Variants in CORO2B observed in about 807,000 individuals in gnomAD.
CORO2B encodes the protein coronin-2B.
A neutral mutation model predicts 58.8 loss-of-function variants in CORO2B; 26 were observed. The observed-to-expected ratio is 0.44, with a 90% confidence interval of 0.32 to 0.61. The LOEUF is 0.61. CORO2B is among the 20% of genes least tolerant of loss of function. The pLI, the probability that CORO2B is intolerant of heterozygous loss-of-function variation, is 0.04. For synonymous variants in CORO2B, 242 were observed against 253.8 expected (o/e 0.95, Z 0.44); for missense variants, 460 against 645.1 (o/e 0.71, Z 3.11).
chr15:68,668,801 G>A (rs1014513503), intron 2 of CORO2B, among the ~76,000 whole-genome samples: 8 of 152,308 alleles, frequency 5.3e-5, no homozygotes, highest in Middle Eastern at 3.4e-3. Context: ...AAGACAGGCC[G>A]AGCATGGTGG....
In CORO2B at chr15:68,664,191, A is replaced by AT. The variant is rs200639421; in HGVS notation, c.216+18841dup. Reference sequence around the variant, plus strand: ...GAGCCTTACAGCTAAGATCTCTGTAATTTTTTTTTTGGATACAAGTATATC... The same window carrying AT: ...GAGCCTTACAGCTAAGATCTCTGTAATTTTTTTTTTTGGATACAAGTATATC... On this transcript the variant is annotated intron_variant, in intron 2 of 11. Coordinates refer to ENST00000261861, the MANE Select transcript of CORO2B (RefSeq NM_006091.5). Among the ~76,000 whole-genome samples, 149 of 150,456 alleles carry AT rather than the reference A, an allele frequency of 9.9e-4. 2 individuals are homozygous for AT. The East Asian group carries it at 0.018, about 18-fold the overall frequency.
intron 1 of CORO2B, among the ~76,000 whole-genome samples, chr15:68,611,980 A>C (rs961274152): frequency 1.3e-5 from 2 of 152,144 alleles, no homozygotes; most frequent in Non-Finnish European, 2.9e-5. Context: ...TATGTTGCCC[A>C]GACTGGTCTC....
the CORO2B span, among the ~76,000 whole-genome samples, chr15:68,570,795 C>T: frequency 2.6e-4 from 31 of 117,954 alleles, no homozygotes; most frequent in Non-Finnish European, 4.9e-4. Flanking sequence ...GCCCACTACA[C>T]GTAGTTTTTT....
At chr15:68,567,996 G>A in the CORO2B span, among the ~76,000 whole-genome samples, 1 of 152,194 alleles carries the variant, frequency 6.6e-6, no homozygotes, top group Admixed American at 6.5e-5. Flanking sequence ...TCCAGCCTGG[G>A]CAACAGAGTG....
At chr15:68,641,320 G>A (rs1031644918) in intron 1 of CORO2B, among the ~76,000 whole-genome samples, 1 of 152,200 alleles carries the variant, frequency 6.6e-6, no homozygotes, top group African/African-American at 2.4e-5. Flanking sequence ...GGGCTGTGGG[G>A]GCAACAGGAG....
At chr15:68,718,107 C>CAT (rs1190092397) in intron 8 of CORO2B, among the ~76,000 whole-genome samples, 4 of 152,320 alleles carry the variant, frequency 2.6e-5, no homozygotes, top group Non-Finnish European at 5.9e-5. Flanking sequence ...CCATGATAGA[C>CAT]GTTCAGCAGA....
intron 2 of CORO2B, among the ~76,000 whole-genome samples, chr15:68,689,468 G>A (rs1232136665): frequency 2.0e-5 from 3 of 152,070 alleles, no homozygotes; most frequent in Non-Finnish European, 4.4e-5. Flanking sequence ...CTTGTTATGA[G>A]GATTAAATTT....
intron 2 of CORO2B, among the ~76,000 whole-genome samples, chr15:68,684,435 C>T (rs1462059451): frequency 6.6e-6 from 1 of 152,226 alleles, no homozygotes; most frequent in Non-Finnish European, 1.5e-5. Context: ...AGAAAGAACA[C>T]AGCCAGAGGC....
intron 2 of CORO2B, among the ~76,000 whole-genome samples, chr15:68,683,150 C>A (rs1185894333): frequency 2.0e-5 from 3 of 152,198 alleles, no homozygotes; most frequent in African/African-American, 7.2e-5. Flanking sequence ...CGGAGCTCCA[C>A]CCGCCCAGGG....
chr15:68,695,186 G>T lies in CORO2B; in HGVS notation c.263G>T (p.Gly88Val), dbSNP rs747203345. Residue 88 changes from glycine (G) to valine (V), a missense_variant, in exon 3 of 12, where the codon GGC becomes GTC. Gly to Val is a moderately radical substitution (Grantham distance 109). Coordinates refer to ENST00000261861, the MANE Select transcript of CORO2B (RefSeq NM_006091.5). ...TACCCCAAGGTCTGCGGCCACCAGG[G>T]CAATGTGCTGGATATCAAATGGAAC... The part of the protein sequence containing the change: ...PNYPKVCGHQ[G>V]NVLDIKWNPF... The T allele has an allele frequency of 6.2e-7, 1 of 1,614,140 alleles. No individual in the cohort carries two copies. Among genetic ancestry groups the T allele is most frequent in the Non-Finnish European group, 8.5e-7 (1 of 1,180,026 alleles).
At chr15:68,547,563 C>T in the CORO2B span, among the ~76,000 whole-genome samples, 1 of 152,122 alleles carries the variant, frequency 6.6e-6, no homozygotes, top group African/African-American at 2.4e-5. Flanking sequence ...AGGATGGTCT[C>T]AATCTCCTGA....
At position 68,634,309 on chromosome 15, in the gene CORO2B, C is replaced by T. The variant is rs112358621; in HGVS notation, c.16-10851C>T. Among the ~76,000 whole-genome samples the T allele has an allele frequency of 3.9e-3, 599 of 152,312 alleles. 6 individuals carry two copies. The highest frequency in any genetic ancestry group is 0.012 in the African/African-American group (504 of 41,570). On this transcript the variant is annotated intron_variant, in intron 1 of 11. Coordinates refer to ENST00000261861, the MANE Select transcript of CORO2B (RefSeq NM_006091.5). ...CTCGAGGGATGCATTAGGCCCAGCT[C>T]TTTTACTCACTCGCTGGCCGGCAGG...
rs935732829 is a variant in CORO2B, at chr15:68,727,707, CT to C, written c.*1743del. 5.3e-5 allele frequency: 8 copies of C among 150,150 alleles called. No homozygotes were observed. The highest frequency in any genetic ancestry group is 4.5e-5 in the Non-Finnish European group (3 of 67,226). The allele number at this position is 150,150 out of a possible 1,614,324, so 9.3% of individuals were successfully genotyped here. On this transcript the variant is annotated 3_prime_UTR_variant, in exon 12 of 12. Transcript: ENST00000261861. ...ATCTCCTCCTCCCACATTTCTGGAG[CT>C]TTTTTTTTTCCTTCCCCATTGACCT...
intron 3 of CORO2B, among the ~76,000 whole-genome samples, chr15:68,700,256 A>G (rs1460240523): frequency 1.3e-5 from 2 of 152,194 alleles, no homozygotes; most frequent in Non-Finnish European, 2.9e-5. Flanking sequence ...TGCTACATAC[A>G]GGGCTGGGGA....
At chr15:68,625,017 G>A (rs1424482871) in intron 1 of CORO2B, among the ~76,000 whole-genome samples, 1 of 152,146 alleles carries the variant, frequency 6.6e-6, no homozygotes, top group Non-Finnish European at 1.5e-5. Flanking sequence ...AGTGGTCGAA[G>A]ACCACTCCTG....
At chr15:68,612,095 T>A (rs1900261921) in intron 1 of CORO2B, among the ~76,000 whole-genome samples, 1 of 152,196 alleles carries the variant, frequency 6.6e-6, no homozygotes, top group Non-Finnish European at 1.5e-5. Context: ...TCAAGAAGCA[T>A]CCCTGAACGA....
chr15:68,541,238 T>C, the CORO2B span, among the ~76,000 whole-genome samples: 1 of 151,320 alleles, frequency 6.6e-6, no homozygotes, highest in Admixed American at 6.6e-5. Flanking sequence ...CTGTCTCAAA[T>C]AAAAAAAGGA....
At chr15:68,564,063 G>GAAACTGT in the CORO2B span, among the ~76,000 whole-genome samples, 1 of 152,154 alleles carries the variant, frequency 6.6e-6, no homozygotes, top group Non-Finnish European at 1.5e-5. Context: ...ACAAGAAAAG[G>GAAACTGT]AAACTGTATG....
intron 1 of CORO2B, among the ~76,000 whole-genome samples, chr15:68,583,011 C>T (rs957506755): frequency 1.3e-5 from 2 of 152,176 alleles, no homozygotes; most frequent in Admixed American, 6.5e-5. Flanking sequence ...ACCTTTCATG[C>T]CAACATGCTC....
Sources: allele counts gnomAD v4.1 joint callset (sites outside exome capture counted in the v4.1 genomes callset), GRCh38; gene constraint gnomAD v4.1.1; transcripts MANE v1.5; gene names NCBI Gene and HGNC (gene_info 2026-07-23, HGNC 2026-07-21).